LRRC27: variants seen among roughly 807,000 people sequenced by gnomAD.
LRRC27 encodes leucine rich repeat containing 27.
LRRC27 carries 57 observed loss-of-function variants against 55.0 expected under a neutral mutation model. The observed-to-expected ratio is 1.04, with a 90% CI of 0.84 to 1.29. LRRC27 has a LOEUF of 1.29. Ranked by LOEUF, LRRC27 falls within the 50% of genes most tolerant of loss-of-function variation. The pLI, the probability that LRRC27 is intolerant of heterozygous loss-of-function variation, is 0.00. For missense variants in LRRC27, 721 were observed against 651.5 expected (o/e 1.11, Z -1.16); for synonymous variants, 278 against 251.9 (o/e 1.10, Z -0.98).
At chr10:132,331,733 G>A (rs2066757315), upstream of LRRC27, 7 of 1,612,158 alleles carry the variant, frequency 4.3e-6, no homozygotes, top group Non-Finnish European at 5.9e-6. Context: ...ACGGCACTTA[G>A]CATCCCGCTC....
chr10:132,353,012 T>C (rs928666419), intron 7 of LRRC27: 1 of 1,604,250 alleles, frequency 6.2e-7, no homozygotes, highest in African/African-American at 1.3e-5. Context: ...GGACTCGGTG[T>C]CCTCAGTGTC....
At chr10:132,354,104 C>T (rs1056043291) in intron 7 of LRRC27, among the ~76,000 whole-genome samples, 1 of 152,350 alleles carries the variant, frequency 6.6e-6, no homozygotes. Context: ...CAGGCACAGC[C>T]CCTGCCCCAG....
intron 7 of LRRC27, chr10:132,353,314 G>T (rs994081626): frequency 1.7e-6 from 2 of 1,147,922 alleles, no homozygotes; most frequent in East Asian, 5.6e-5. Flanking sequence ...GCTGCAGCCC[G>T]GCCCTGACTG....
chr10:132,345,755 G>A (rs540481376), intron 5 of LRRC27, among the ~76,000 whole-genome samples: 29 of 152,178 alleles, frequency 1.9e-4, no homozygotes, highest in African/African-American at 2.6e-4. Context: ...GGGCAGAACC[G>A]TCAGGCACAG....
upstream of LRRC27, chr10:132,331,586 G>C (rs1421916955): frequency 3.1e-6 from 5 of 1,612,950 alleles, no homozygotes; most frequent in East Asian, 2.2e-5. Context: ...GGAAGCCCCA[G>C]GAGAGACGCG....
At chr10:132,361,088 G>A (rs1259800961) in intron 8 of LRRC27, among the ~76,000 whole-genome samples, 1 of 152,200 alleles carries the variant, frequency 6.6e-6, no homozygotes, top group Non-Finnish European at 1.5e-5. Context: ...GGGCCCCTGT[G>A]GAGAGGGGCC....
At chr10:132,352,021 G>A (rs990841184) in intron 7 of LRRC27, among the ~76,000 whole-genome samples, 7 of 115,582 alleles carry the variant, frequency 6.1e-5, no homozygotes, top group South Asian at 2.9e-4. Flanking sequence ...TGGGGCAGGC[G>A]CTGAGGCCTC....
intron 3 of LRRC27, among the ~76,000 whole-genome samples, chr10:132,341,908 C>T (rs888255807): frequency 1.3e-5 from 2 of 152,196 alleles, no homozygotes. Context: ...GTGGTTGTCA[C>T]GCCTGGGGGT....
chr10:132,360,918 C>T (rs1253966950), intron 8 of LRRC27, among the ~76,000 whole-genome samples: 2 of 152,176 alleles, frequency 1.3e-5, no homozygotes, highest in Admixed American at 6.5e-5. Flanking sequence ...GAGGGGTCAG[C>T]GTGGCTCTCA....
At chr10:132,365,348 C>T in intron 9 of LRRC27, 76 bp from the exon 10 acceptor site, 7 of 1,574,944 alleles carry the variant, frequency 4.4e-6, no homozygotes, top group Non-Finnish European at 6.1e-6. Context: ...CATGCTTTCT[C>T]CCTGGTTATG....
intron 8 of LRRC27, among the ~76,000 whole-genome samples, chr10:132,360,257 G>A (rs2068549904): frequency 6.6e-6 from 1 of 152,094 alleles, no homozygotes; most frequent in Admixed American, 6.5e-5. Flanking sequence ...CACCACACCT[G>A]GCTAATTTTT....
intron 5 of LRRC27, chr10:132,344,988 A>T (rs1169408972): frequency 5.1e-6 from 1 of 197,132 alleles, no homozygotes; most frequent in East Asian, 1.1e-4. Context: ...CAGCTATTTT[A>T]AAATAAGTAC....
Position 132,378,422 on chromosome 10 carries a change from CCT to C in LRRC27, c.*3181_*3182del. On this transcript the variant is annotated 3_prime_UTR_variant, in exon 11 of 11. Transcript: ENST00000368614. ...TTTTTTTTTTTTTACTATTTTTTCC[CCT>C]GTTCTCCCTCTTCTCCCTGAGACTT... 6.6e-6 allele frequency: 1 copy of C among 150,762 alleles called. No individual in the cohort carries two copies. Among genetic ancestry groups the C allele is most frequent in the East Asian group, 1.9e-4 (1 of 5,180 alleles). The allele number at this position is 150,762 out of a possible 1,614,324, so 9.3% of individuals were successfully genotyped here. A position where few individuals can be genotyped will look rare whatever the true frequency, so the allele number is the denominator to read the frequency against.
chr10:132,374,339 G>A lies in LRRC27; in HGVS notation c.1417-727G>A, dbSNP rs781547630. 2.6e-5 allele frequency among the ~76,000 whole-genome samples: 4 copies of A among 152,142 alleles called. No homozygotes were observed. Among genetic ancestry groups the A allele is most frequent in the African/African-American group, 7.2e-5 (3 of 41,428 alleles). On this transcript the variant is annotated intron_variant, in intron 10 of 10. Coordinates refer to ENST00000368614, the MANE Select transcript of LRRC27 (RefSeq NM_030626.3). The surrounding 1 kb of genome is among the most constrained non-coding windows in gnomAD (Gnocchi z 4.4). ...AAGCCGGGGAGGGAGACGGGAGCCG[G>A]GTGGCCCAGGGCTCCTGTGCTTGGA...
intron 7 of LRRC27, among the ~76,000 whole-genome samples, chr10:132,352,604 C>T (rs1223877356): frequency 9.1e-6 from 1 of 110,042 alleles, no homozygotes; most frequent in Non-Finnish European, 1.8e-5. Context: ...CTGAGGCCTC[C>T]GTGTGGGGCA....
chr10:132,347,587 G>A (rs1028256283), intron 5 of LRRC27, among the ~76,000 whole-genome samples: 5 of 151,026 alleles, frequency 3.3e-5, no homozygotes, highest in Admixed American at 2.6e-4. Context: ...TGGGGCCTGC[G>A]TGGGAGGGTC....
intron 10 of LRRC27, among the ~76,000 whole-genome samples, chr10:132,370,863 T>C (rs2069196086): frequency 6.6e-6 from 1 of 152,244 alleles, no homozygotes; most frequent in African/African-American, 2.4e-5. Flanking sequence ...CCTATTTGTA[T>C]AATCCTGGTG....
At chr10:132,341,900 G>A (rs1054489732) in intron 3 of LRRC27, among the ~76,000 whole-genome samples, 6 of 152,342 alleles carry the variant, frequency 3.9e-5, no homozygotes, top group Middle Eastern at 3.4e-3. Context: ...AGACATCTGT[G>A]GTTGTCACGC....
Position 132,375,213 on chromosome 10 carries a change from G to A in LRRC27, c.1564G>A (p.Glu522Lys), listed in dbSNP as rs2069318039. The A allele has an allele frequency of 6.2e-7, 1 of 1,613,696 alleles. No individual in the cohort carries two copies. Among genetic ancestry groups the A allele is most frequent in the Admixed American group, 1.7e-5 (1 of 59,980 alleles). Residue 522 changes from glutamate to lysine, a missense_variant, in exon 11 of 11, where the codon GAA (glutamate) becomes AAA (lysine). Physicochemically the swap from Glu to Lys is moderately conservative, Grantham distance 56 (BLOSUM62 1). Transcript: ENST00000368614. Reference sequence around the variant, plus strand: ...TACATTTTTTAACACAAAATATGGAGAATCAGGAAATGTTCGCAGATACCA... The same window carrying A: ...TACATTTTTTAACACAAAATATGGAAAATCAGGAAATGTTCGCAGATACCA... ...QNTFFNTKYG[E>K]SGNVRRYQ
Sources: gnomAD v4.1 joint callset for allele counts (sites outside exome capture counted in the v4.1 genomes callset) on GRCh38, gnomAD v4.1.1 for gene constraint, Gnocchi (gnomAD v3.1) non-coding constraint, MANE v1.5 for transcripts, NCBI Gene and HGNC (gene_info 2026-07-23, HGNC 2026-07-21) for gene names.